Variants in COL4A5 observed in about 807,000 individuals in gnomAD.
COL4A5 encodes the protein collagen type IV alpha 5 chain.
In COL4A5, 26 loss-of-function variants were observed where a neutral mutation model predicts 130.2. The observed-to-expected ratio is 0.20, with a 90% confidence interval of 0.15 to 0.28. COL4A5 has a LOEUF of 0.28. Among genes scored for constraint, COL4A5 ranks in the 10% least tolerant of loss-of-function variants. The probability of loss-of-function intolerance (pLI) is 1.00; values close to 1 mark genes in which losing one functional copy is unlikely to be tolerated. For missense variants in COL4A5, 1,131 were observed against 1,344.3 expected (o/e 0.84, Z 2.48); for synonymous variants, 496 against 439.6 (o/e 1.13, Z -1.60).
chrX:108,561,240 A>G (rs185029878), intron 3 of COL4A5, among the ~76,000 whole-genome samples: 31 of 111,719 alleles, frequency 2.8e-4, no homozygotes, highest in African/African-American at 9.8e-4. Flanking sequence ...CGGGACAGGC[A>G]ATCAATGAAT....
intron 24 of COL4A5, 143 bp from the exon 25 acceptor site, chrX:108,598,559 A>C (rs1322774050): frequency 1.8e-6 from 1 of 555,383 alleles, no homozygotes; most frequent in Non-Finnish European, 3.0e-6. Flanking sequence ...ATGATCACAC[A>C]TACCATCTCA....
intron 36 of COL4A5, 46 bp from the exon 37 acceptor site, chrX:108,655,285 A>C: frequency 8.4e-7 from 1 of 1,194,175 alleles, no homozygotes; most frequent in African/African-American, 1.7e-5. Flanking sequence ...TATACAATCT[A>C]AGTCGTGTAG....
chrX:108,578,338 T>C lies in COL4A5; in HGVS notation c.735T>C (p.Ser245=), dbSNP rs746380813. Residue 245 remains serine (S), a synonymous_variant, in exon 13 of 53, where the codon AGT becomes AGC. Coordinates refer to ENST00000328300, the MANE Select transcript of COL4A5 (RefSeq NM_033380.3). ...CACCTGGGCCACCTGGGCAGATCAG[T>C]GAACAGAAAAGACCAATTGATGTAG... is the stretch of plus-strand genomic sequence containing the variant. ...QGPPGPPGQI[S]EQKRPIDVEF... is the part of the protein sequence containing the mutation. 8.3e-7 allele frequency: 1 copy of C among 1,210,805 alleles called. No homozygotes were observed. The highest frequency in any genetic ancestry group is 1.1e-6 in the Non-Finnish European group (1 of 894,781).
intron 38 of COL4A5, among the ~76,000 whole-genome samples, chrX:108,666,235 A>G (rs1297084885): frequency 9.0e-6 from 1 of 111,565 alleles, no homozygotes; most frequent in East Asian, 2.8e-4. Context: ...TATGAGGCCT[A>G]TAATTCTCCC....
chrX:108,502,001 A>G (rs1248016631), intron 1 of COL4A5, among the ~76,000 whole-genome samples: 1 of 112,305 alleles, frequency 8.9e-6, no homozygotes, highest in Non-Finnish European at 1.9e-5. Context: ...ATGTACAGTA[A>G]ACATAGACAA....
chrX:108,526,597 T>C (rs6650040), intron 1 of COL4A5, among the ~76,000 whole-genome samples: 3,161 of 18,080 alleles, frequency 0.17, 109 homozygotes, highest in South Asian at 0.26. Flanking sequence ...CCCTCCCTCC[T>C]TTCTTTCTTT....
At chrX:108,654,042 A>C (rs1225138336) in intron 36 of COL4A5, among the ~76,000 whole-genome samples, 1 of 112,475 alleles carries the variant, frequency 8.9e-6, no homozygotes, top group Non-Finnish European at 1.9e-5. Flanking sequence ...ACTCACCTGC[A>C]AGTGTATGTA....
chrX:108,622,575 C>T lies in COL4A5; in HGVS notation c.2768-101C>T, dbSNP rs2067077473. ...AAGGTGCATAAATGTTTTGAGTGGCCAGTGGCCTACTCAACTATGAAACAT... is the reference window on the plus strand; with the variant it reads ...AAGGTGCATAAATGTTTTGAGTGGCTAGTGGCCTACTCAACTATGAAACAT... On this transcript the variant is annotated intron_variant, in intron 32 of 52. Transcript: ENST00000328300. 9 of 899,705 alleles carry T rather than the reference C, an allele frequency of 1.0e-5. No individual in the cohort carries two copies. In the African/African-American group the frequency reaches 1.4e-4, roughly 14 times the overall value. The allele number at this position is 899,705 out of a possible 1,213,427, so 74.1% of individuals were successfully genotyped here. A position where few individuals can be genotyped will look rare whatever the true frequency, so the allele number is the denominator to read the frequency against.
chrX:108,692,671 G>A, intron 49 of COL4A5, 77 bp from the exon 50 acceptor site: 1 of 981,836 alleles, frequency 1.0e-6, no homozygotes, highest in Non-Finnish European at 1.5e-6. Flanking sequence ...TTGAAAGGCT[G>A]TTTGCTATTG....
At chrX:108,633,343 G>T (rs1035273940) in intron 36 of COL4A5, among the ~76,000 whole-genome samples, 13 of 110,879 alleles carry the variant, frequency 1.2e-4, no homozygotes, top group Admixed American at 3.9e-4. Context: ...GATTTTCATG[G>T]TTTTTTTCTG....
rs190257895 is a variant in COL4A5, at chrX:108,553,763, C to T, written c.142-5301C>T. 8.0e-5 allele frequency among the ~76,000 whole-genome samples: 9 copies of T among 111,943 alleles called. No individual in the cohort carries two copies. In the East Asian group the frequency reaches 2.5e-3, roughly 31 times the overall value. The stretch of plus-strand genomic sequence containing the variant: ...ACATCAAAGCGTATGCCTATAAAAA[C>T]TTGTACTTGAAAATTCATAGTAGCT... On this transcript the variant is annotated intron_variant, in intron 2 of 52. Coordinates refer to ENST00000328300, the MANE Select transcript of COL4A5 (RefSeq NM_033380.3).
chrX:108,647,589 A>G (rs1182379114), intron 36 of COL4A5, among the ~76,000 whole-genome samples: 3 of 111,390 alleles, frequency 2.7e-5, no homozygotes, highest in Non-Finnish European at 5.6e-5. Flanking sequence ...CTCCTGCCTG[A>G]TTGCCCTGGA....
At position 108,586,631 on chromosome X, in the gene COL4A5, G is replaced by A; in HGVS notation, c.1049G>A (p.Gly350Glu). 8.3e-7 allele frequency: 1 copy of A among 1,206,250 alleles called. No homozygotes were observed. Among genetic ancestry groups the A allele is most frequent in the Non-Finnish European group, 1.1e-6 (1 of 891,561 alleles). ...GPPGLVIPRP[G>E]TGITIGEKGN... ...GTAATAAAGGTAATTCCTAGACCTG[G>A]GACTGGTATAACTATAGGAGAAAAA... Residue 350 changes from glycine (G) to glutamate (E), a missense_variant, in exon 19 of 53, where the codon GGG becomes GAG. Transcript: ENST00000328300.
rs184089989 is a variant in COL4A5 at position 108,469,708 on chromosome X, A to T, written c.81+29502A>T. Among the ~76,000 whole-genome samples, 3 of 111,669 alleles carry T rather than the reference A, an allele frequency of 2.7e-5. No homozygotes were observed. In the Admixed American group the frequency reaches 2.9e-4, roughly 11 times the overall value. The stretch of plus-strand genomic sequence containing the variant: ...CATTTTCAAATTTTATTTTCATTTC[A>T]AAGGGCACATGTGCAGGTTTGTTAC... On this transcript the variant is annotated intron_variant, in intron 1 of 52. Coordinates refer to ENST00000328300, the MANE Select transcript of COL4A5 (RefSeq NM_033380.3).
chrX:108,575,371 C>G (rs1351473199), intron 9 of COL4A5, among the ~76,000 whole-genome samples: 1 of 111,687 alleles, frequency 9.0e-6, no homozygotes. Flanking sequence ...GTAAATTTTC[C>G]TTATTATTTG....
chrX:108,591,865 C>T (rs758147163), intron 21 of COL4A5, among the ~76,000 whole-genome samples: 4 of 111,096 alleles, frequency 3.6e-5, no homozygotes, highest in South Asian at 3.9e-4. Flanking sequence ...AGTAACCTGA[C>T]TCCAGCAATA....
At chrX:108,588,874 A>G (rs2066383463) in intron 19 of COL4A5, among the ~76,000 whole-genome samples, 1 of 111,577 alleles carries the variant, frequency 9.0e-6, no homozygotes, top group Non-Finnish European at 1.9e-5. Context: ...GGGATTCTGT[A>G]TTACATTAAA....
chrX:108,624,290 G>A lies in COL4A5; in HGVS notation c.2972G>A (p.Gly991Glu). Residue 991 changes from glycine (G) to glutamate (E), a missense_variant, in exon 34 of 53, where the codon GGG (glycine) becomes GAG (glutamate). Transcript: ENST00000328300. ...TATCAGGGTTTGCCTGGAGACCCAG[G>A]GCAACCTGGACTGAGTGGACAACCT... ...KGYQGLPGDP[G>E]QPGLSGQPGL... The A allele has an allele frequency of 8.3e-7, 1 of 1,210,782 alleles. No individual in the cohort carries two copies. Among genetic ancestry groups the A allele is most frequent in the Non-Finnish European group, 1.1e-6 (1 of 894,936 alleles).
intron 1 of COL4A5, among the ~76,000 whole-genome samples, chrX:108,480,523 A>C (rs1396513041): frequency 1.8e-5 from 2 of 113,066 alleles, no homozygotes; most frequent in Non-Finnish European, 3.7e-5. Context: ...TTATGACACA[A>C]AGCCAGAGAG....
Sources: allele counts gnomAD v4.1 joint callset (sites outside exome capture counted in the v4.1 genomes callset), GRCh38; gene constraint gnomAD v4.1.1; transcripts MANE v1.5; gene names NCBI Gene and HGNC (gene_info 2026-07-23, HGNC 2026-07-21).